Variants in C4orf36 observed in about 807,000 individuals in gnomAD.
C4orf36 encodes uncharacterized protein C4orf36.
In C4orf36, 11 loss-of-function variants were observed where a neutral mutation model predicts 12.2. That is an observed-to-expected ratio of 0.90 (90% CI 0.57 to 1.49). The LOEUF is 1.49. Among genes scored for constraint, C4orf36 ranks in the 40% most tolerant of loss-of-function variants. The pLI is 0.00. For missense variants in C4orf36, 137 were observed against 133.9 expected (o/e 1.02, Z -0.11); for synonymous variants, 54 against 51.3 (o/e 1.05, Z -0.22).
In C4orf36 at chr4:86,891,545, G is replaced by C. The variant is rs770152107; in HGVS notation, c.-25C>G. Reference sequence around the variant, plus strand: ...TGGTGAGTTATTACGGTATGATTTCGTTACATAGGTGCCTGATGGAATGTC... The same window carrying C: ...TGGTGAGTTATTACGGTATGATTTCCTTACATAGGTGCCTGATGGAATGTC... On this transcript the variant is annotated 5_prime_UTR_variant, in exon 2 of 5. Coordinates refer to ENST00000295898, the MANE Select transcript of C4orf36 (RefSeq NM_144645.4). 1 of 1,613,660 alleles carries C rather than the reference G, an allele frequency of 6.2e-7. No homozygotes were observed. Among genetic ancestry groups the C allele is most frequent in the Non-Finnish European group, 8.5e-7 (1 of 1,179,892 alleles).
chr4:86,919,071 T>C, the C4orf36 span, among the ~76,000 whole-genome samples: 1 of 151,160 alleles, frequency 6.6e-6, no homozygotes, highest in African/African-American at 2.4e-5. Flanking sequence ...TCAGAGAGCC[T>C]GGAATTCTGA....
the C4orf36 span, among the ~76,000 whole-genome samples, chr4:86,923,721 C>A: frequency 1.3e-5 from 2 of 150,212 alleles, no homozygotes; most frequent in Non-Finnish European, 2.9e-5. Flanking sequence ...TGAGATCGCA[C>A]CATTGCACTC....
intron 3 of C4orf36, 49 bp from the exon 4 acceptor site, chr4:86,887,942 C>T: frequency 6.2e-7 from 1 of 1,607,714 alleles, no homozygotes; most frequent in Non-Finnish European, 8.5e-7. Context: ...TTTCATCAGG[C>T]ATAACTAAGT....
At chr4:86,893,746 C>T (rs1747517106), upstream of C4orf36, among the ~76,000 whole-genome samples, 1 of 152,112 alleles carries the variant, frequency 6.6e-6, no homozygotes, top group African/African-American at 2.4e-5. Context: ...AGCATTTCTG[C>T]TCTACCACCA....
chr4:86,912,733 G>T, the C4orf36 span, among the ~76,000 whole-genome samples: 1 of 152,148 alleles, frequency 6.6e-6, no homozygotes, highest in Non-Finnish European at 1.5e-5. Context: ...TGAGCATATA[G>T]ATATGTATAT....
the C4orf36 span, among the ~76,000 whole-genome samples, chr4:86,919,230 TCTCTTGAA>T: frequency 7.9e-5 from 12 of 151,944 alleles, no homozygotes; most frequent in South Asian, 4.2e-4. Context: ...CTTAGTATTC[TCTCTTGAA>T]CTCTTGAACA....
chr4:86,906,956 C>A, the C4orf36 span, among the ~76,000 whole-genome samples: 69 of 152,142 alleles, frequency 4.5e-4, no homozygotes, highest in African/African-American at 1.6e-3. Context: ...AGGAGAATTG[C>A]TTGAACCCAG....
chr4:86,892,281 C>G lies in C4orf36; in HGVS notation c.-172G>C. On this transcript the variant is annotated 5_prime_UTR_variant, in exon 1 of 5. Coordinates refer to ENST00000295898, the MANE Select transcript of C4orf36 (RefSeq NM_144645.4). ...CGAGCCGGCGCCGGCGGCCTGGTTA[C>G]CCGGGCTCCAGGGGCTCGGAGGGTC... 2.0e-6 allele frequency: 2 copies of G among 985,804 alleles called. No individual in the cohort carries two copies. The highest frequency in any genetic ancestry group is 1.2e-6 in the Non-Finnish European group (1 of 830,236). The allele number at this position is 985,804 out of a possible 1,614,324, so 61.1% of individuals were successfully genotyped here. A position where few individuals can be genotyped will look rare whatever the true frequency, so the allele number is the denominator to read the frequency against.
the C4orf36 span, chr4:86,914,379 T>C: frequency 1.0e-6 from 1 of 961,388 alleles, no homozygotes; most frequent in East Asian, 2.7e-5. Context: ...CCGGCTCCCG[T>C]TCTTCTTCTT....
At chr4:86,891,981 C>T in intron 1 of C4orf36, 2 of 992,302 alleles carry the variant, frequency 2.0e-6, no homozygotes, top group Non-Finnish European at 2.4e-6. Context: ...AGCAATCCTT[C>T]CCAGGTTTTC....
At chr4:86,908,759 C>T in the C4orf36 span, among the ~76,000 whole-genome samples, 1 of 152,046 alleles carries the variant, frequency 6.6e-6, no homozygotes, top group Non-Finnish European at 1.5e-5. Flanking sequence ...CAAGACATGA[C>T]TACTACCCAC....
At chr4:86,918,583 C>T in the C4orf36 span, among the ~76,000 whole-genome samples, 1 of 152,230 alleles carries the variant, frequency 6.6e-6, no homozygotes, top group Non-Finnish European at 1.5e-5. Context: ...AACACCTGAC[C>T]ATCTTGGGCT....
chr4:86,889,387 C>A (rs1747306318), intron 2 of C4orf36, among the ~76,000 whole-genome samples: 1 of 151,296 alleles, frequency 6.6e-6, no homozygotes, highest in Non-Finnish European at 1.5e-5. Flanking sequence ...ATCTTAATAT[C>A]TATCAAGAAG....
chr4:86,876,460 G>C lies in C4orf36; in HGVS notation c.*3-17C>G. Reference sequence around the variant, plus strand: ...CGCTTCAGGCTGCGCAAAGGAGAGGGGGAAAATAAGATTTTATTTTATCAT... The same window carrying C: ...CGCTTCAGGCTGCGCAAAGGAGAGGCGGAAAATAAGATTTTATTTTATCAT... On this transcript the variant is annotated splice_polypyrimidine_tract_variant and intron_variant, in intron 4 of 4. Coordinates refer to ENST00000295898, the MANE Select transcript of C4orf36 (RefSeq NM_144645.4). The C allele has an allele frequency of 1.9e-6, 3 of 1,613,280 alleles. No homozygotes were observed. Among genetic ancestry groups the C allele is most frequent in the Non-Finnish European group, 2.5e-6 (3 of 1,179,502 alleles).
chr4:86,891,266 A>T (rs918871151), intron 2 of C4orf36, among the ~76,000 whole-genome samples, 190 bp downstream of exon 2: 2 of 148,974 alleles, frequency 1.3e-5, no homozygotes, highest in African/African-American at 4.9e-5. Context: ...AGACCAAGTA[A>T]GATAATTAAC....
At chr4:86,901,689 G>A in the C4orf36 span, among the ~76,000 whole-genome samples, 1 of 152,070 alleles carries the variant, frequency 6.6e-6, no homozygotes, top group Non-Finnish European at 1.5e-5. Context: ...GGGATTACAG[G>A]CGTGAGCAAC....
chr4:86,895,153 A>G (rs1264258221), upstream of C4orf36, among the ~76,000 whole-genome samples: 1 of 152,096 alleles, frequency 6.6e-6, no homozygotes, highest in Non-Finnish European at 1.5e-5. Context: ...CTTTACAGAA[A>G]GTAGAAAAAA....
the C4orf36 span, among the ~76,000 whole-genome samples, chr4:86,916,295 C>T: frequency 6.9e-6 from 1 of 144,452 alleles, no homozygotes; most frequent in Non-Finnish European, 1.5e-5. Context: ...TGTGAATGCT[C>T]ATCAAGGGAA....
chr4:86,893,854 T>G (rs954643117), upstream of C4orf36, among the ~76,000 whole-genome samples: 3 of 150,032 alleles, frequency 2.0e-5, no homozygotes, highest in African/African-American at 7.3e-5. Flanking sequence ...CTACAGATTT[T>G]GGCCTGAATT....
Sources: allele counts gnomAD v4.1 joint callset (sites outside exome capture counted in the v4.1 genomes callset), GRCh38; gene constraint gnomAD v4.1.1; transcripts MANE v1.5; gene names NCBI Gene and HGNC (gene_info 2026-07-23, HGNC 2026-07-21).